The following CD163 variants were observed in gnomAD, a reference collection of about 807,000 sequenced individuals.
CD163 encodes CD163 molecule.
CD163 carries 64 observed loss-of-function variants against 129.2 expected under a neutral mutation model. That is an observed-to-expected ratio of 0.50 (90% confidence interval 0.41 to 0.61). The LOEUF (loss-of-function observed/expected upper bound fraction) is 0.61, where lower values mean the gene tolerates loss of function less well. CD163 is among the 20% of genes least tolerant of loss of function. The pLI is 0.00. For synonymous variants in CD163, 446 were observed against 478.5 expected, an observed-to-expected ratio of 0.93 and a Z score of 0.89; for missense variants, 1,061 against 1,377.9, an observed-to-expected ratio of 0.77 and a Z score of 3.64.
Position 7,503,646 on chromosome 12 carries a change from A to T in CD163, c.45T>A (p.Ala15=), listed in dbSNP as rs1470715220. 3.8e-6 allele frequency: 6 copies of T among 1,594,180 alleles called. No homozygotes were observed. The highest frequency in any genetic ancestry group is 5.1e-6 in the Non-Finnish European group (6 of 1,165,246). ...RMVLLEDSGS[A]DFRRHFVNLS... ...GTAGAATAAATGAGAAGCTTTTACC[A>T]GCAGATCCAGAGTCTTCAAGTAGCA... Residue 15 remains alanine, a splice_region_variant and synonymous_variant, in exon 1 of 17, where the codon GCT becomes GCA. Coordinates refer to ENST00000432237, the MANE Select transcript of CD163 (RefSeq NM_203416.4).
rs748941005 is a variant in CD163, at chr12:7,496,966, T to C, written c.946A>G (p.Ile316Val). 3 of 1,613,966 alleles carry C rather than the reference T, an allele frequency of 1.9e-6. No homozygotes were observed. Among genetic ancestry groups the C allele is most frequent in the Admixed American group, 1.7e-5 (1 of 60,004 alleles). The change falls in exon 5 of 17, where the codon ATT (isoleucine) becomes GTT (valine). Residue 316 changes from isoleucine (I) to valine (V), a missense_variant. By Grantham distance (29) the Ile-to-Val change is conservative (BLOSUM62 3). Coordinates refer to ENST00000432237, the MANE Select transcript of CD163 (RefSeq NM_203416.4). This position sits in a 1 kb window ranked among gnomAD's most constrained non-coding sequence, Gnocchi z 4.8. The stretch of plus-strand genomic sequence containing the variant: ...CCCTTACTGGCGTTAACTCGACCAA[T>C]GGCTGTGACGGCAGTTGGACATCCC... ...QLGCPTAVTA[I>V]GRVNASKGFG...
intron 16 of CD163, chr12:7,471,845 C>T (rs1949009888): frequency 6.6e-6 from 1 of 152,278 alleles, no homozygotes; most frequent in Non-Finnish European, 1.5e-5. Flanking sequence ...GAACTACTGA[C>T]TTGAAATTCT....
intron 16 of CD163, among the ~76,000 whole-genome samples, chr12:7,475,850 C>G (rs1039673728): frequency 1.3e-5 from 2 of 152,092 alleles, no homozygotes; most frequent in Admixed American, 6.5e-5. Flanking sequence ...ATTGTCTCAG[C>G]CGAAAAACTC....
chr12:7,481,311 G>T, intron 14 of CD163, 55 bp from the exon 15 acceptor site: 2 of 1,386,216 alleles, frequency 1.4e-6, no homozygotes, highest in Non-Finnish European at 2.1e-6. Context: ...AATTTCCCTT[G>T]CTGTAAGTGT....
intron 6 of CD163, among the ~76,000 whole-genome samples, chr12:7,493,201 T>C (rs531390694): frequency 6.4e-4 from 97 of 152,318 alleles, no homozygotes; most frequent in Non-Finnish European, 1.2e-3. Context: ...GTGAAAGGTG[T>C]GCTGTCCTTA....
chr12:7,493,838 G>GT (rs869058354), intron 6 of CD163, among the ~76,000 whole-genome samples: 3 of 151,890 alleles, frequency 2.0e-5, no homozygotes, highest in East Asian at 1.9e-4. Flanking sequence ...CCAAATAATG[G>GT]TTTTTTAAAA....
At chr12:7,488,169 G>A in intron 6 of CD163, 82 bp from the exon 7 acceptor site, 3 of 1,418,854 alleles carry the variant, frequency 2.1e-6, no homozygotes, top group Non-Finnish European at 2.8e-6. Flanking sequence ...AGGTGGTGTG[G>A]AGTGGGAAAT....
Position 7,495,319 on chromosome 12 carries a change from T to C in CD163, c.1182A>G (p.Leu394=), listed in dbSNP as rs917664144. The C allele has an allele frequency of 1.2e-6, 2 of 1,614,000 alleles. No individual in the cohort carries two copies. Among genetic ancestry groups the C allele is most frequent in the African/African-American group, 1.3e-5 (1 of 74,916 alleles). Reference sequence around the variant, plus strand: ...CCCAGCCTCTGTCACACACCTTCCCTAACAGTCTCTGAATCTCCACCTCAA... The same window carrying C: ...CCCAGCCTCTGTCACACACCTTCCCCAACAGTCTCTGAATCTCCACCTCAA... ...GTVEVEIQRL[L]GKVCDRGWGL... The change falls in exon 6 of 17, where the codon TTA becomes TTG. Residue 394 remains leucine (L), a synonymous_variant. Transcript: ENST00000432237.
Position 7,485,679 on chromosome 12 carries a change from C to G in CD163, c.2459-263G>C, listed in dbSNP as rs986754229. 2.0e-5 allele frequency among the ~76,000 whole-genome samples: 3 copies of G among 151,914 alleles called. No individual in the cohort carries two copies. The highest frequency in any genetic ancestry group is 2.4e-5 in the African/African-American group (1 of 41,346). On this transcript the variant is annotated intron_variant, in intron 10 of 16. Coordinates refer to ENST00000432237, the MANE Select transcript of CD163 (RefSeq NM_203416.4). This position sits in a 1 kb window ranked among gnomAD's most constrained non-coding sequence, Gnocchi z 4.5. ...GATTACCCTCAATCATTCTAATAGG[C>G]TTTTTTCAGTTACATAGTTTGGATT...
In CD163 at chr12:7,496,619, C is replaced by T. The variant is rs138610895; in HGVS notation, c.1099+194G>A. Among the ~76,000 whole-genome samples, 113 of 152,158 alleles carry T rather than the reference C, an allele frequency of 7.4e-4. No homozygotes were observed. Among genetic ancestry groups the T allele is most frequent in the African/African-American group, 2.6e-3 (110 of 41,522 alleles). On this transcript the variant is annotated intron_variant, in intron 5 of 16. Transcript: ENST00000432237. This position sits in a 1 kb window ranked among gnomAD's most constrained non-coding sequence, Gnocchi z 4.8. ...TCTGAGTAATTATTACAGAGAATGC[C>T]GTCAGACAACCTTCCAAACTAGTTG...
chr12:7,502,375 C>A (rs747628587), intron 2 of CD163, 103 bp downstream of exon 2: 2 of 772,306 alleles, frequency 2.6e-6, no homozygotes, highest in Admixed American at 3.7e-5. Context: ...GAGCATGTCA[C>A]CTAGTTTTTA....
Position 7,487,983 on chromosome 12 carries a change from G to C in CD163, c.1525C>G (p.Leu509Val). 6.2e-7 allele frequency: 1 copy of C among 1,614,146 alleles called. No homozygotes were observed. Among genetic ancestry groups the C allele is most frequent in the Non-Finnish European group, 8.5e-7 (1 of 1,180,016 alleles). Residue 509 changes from leucine (L) to valine (V), a missense_variant, in exon 7 of 17, where the codon CTG (leucine) becomes GTG (valine). Leu to Val is a conservative substitution (Grantham distance 32). Coordinates refer to ENST00000432237, the MANE Select transcript of CD163 (RefSeq NM_203416.4). The surrounding 1 kb of genome is among the most constrained non-coding windows in gnomAD (Gnocchi z 5.1). ...CTGCATAGAACGCTGGCAGCTTCCA[G>C]AGAGAAGTCCGAATCACAGATGGAG... is the stretch of plus-strand genomic sequence containing the variant. Reference protein sequence around the residue: ...WGSICDSDFSLEAASVLCREL... With the variant: ...WGSICDSDFSVEAASVLCREL...
At chr12:7,498,021 G>C (rs965955851) in intron 4 of CD163, among the ~76,000 whole-genome samples, 3 of 152,102 alleles carry the variant, frequency 2.0e-5, no homozygotes, top group Admixed American at 6.5e-5. Flanking sequence ...TCAAGAACCT[G>C]AATCCAACCA....
chr12:7,486,278 A>G (rs749475252), intron 10 of CD163, among the ~76,000 whole-genome samples: 1 of 152,262 alleles, frequency 6.6e-6, no homozygotes, highest in Non-Finnish European at 1.5e-5. Flanking sequence ...CATTTTCATG[A>G]TATACAAGAC....
chr12:7,489,659 A>G (rs1949301795), intron 6 of CD163, among the ~76,000 whole-genome samples: 1 of 152,074 alleles, frequency 6.6e-6, no homozygotes, highest in South Asian at 2.1e-4. Context: ...AATCATAATC[A>G]TATTAGCTAA....
rs1233393248 is a variant in CD163, at chr12:7,501,479, A to G, written c.134-17T>C. The G allele has an allele frequency of 6.2e-7, 1 of 1,602,034 alleles. No homozygotes were observed. The highest frequency in any genetic ancestry group is 1.7e-5 in the Admixed American group (1 of 59,900). On this transcript the variant is annotated splice_polypyrimidine_tract_variant and intron_variant, in intron 2 of 16. Transcript: ENST00000432237. ...CTGTTCCTCCTGCAACAATGGATTAAGACAGTAATTGGCCAAGGTCGCAAA... is the reference window on the plus strand; with the variant it reads ...CTGTTCCTCCTGCAACAATGGATTAGGACAGTAATTGGCCAAGGTCGCAAA...
At chr12:7,479,813 G>C in intron 16 of CD163, 47 bp downstream of exon 16, 1 of 1,583,112 alleles carries the variant, frequency 6.3e-7, no homozygotes, top group South Asian at 1.2e-5. Flanking sequence ...GTCCTCAAAA[G>C]GAATGCAGCT....
At chr12:7,484,605 C>G (rs1190901917) in intron 11 of CD163, among the ~76,000 whole-genome samples, 2 of 147,698 alleles carry the variant, frequency 1.4e-5, no homozygotes, top group African/African-American at 2.5e-5. Context: ...CGCCATTGCA[C>G]TCCAGCCTGG....
chr12:7,501,134 C>T lies in CD163; in HGVS notation c.457+5G>A. The T allele has an allele frequency of 1.2e-6, 2 of 1,612,756 alleles. No homozygotes were observed. The highest frequency in any genetic ancestry group is 1.7e-6 in the Non-Finnish European group (2 of 1,178,956). The stretch of plus-strand genomic sequence containing the variant: ...TGTTGAGGCTTTGACTAATGCAAGT[C>T]TTACCTGAGCAGGTCACTCCAGCAT... On this transcript the variant is annotated splice_donor_5th_base_variant and intron_variant, in intron 3 of 16. Coordinates refer to ENST00000432237, the MANE Select transcript of CD163 (RefSeq NM_203416.4).
Sources: allele counts gnomAD v4.1 joint callset (sites outside exome capture counted in the v4.1 genomes callset), GRCh38; gene constraint gnomAD v4.1.1; non-coding constraint Gnocchi (gnomAD v3.1); transcripts MANE v1.5; gene names NCBI Gene and HGNC (gene_info 2026-07-23, HGNC 2026-07-21).